The following GDAP1 variants were observed in gnomAD, a reference collection of about 807,000 sequenced individuals.
GDAP1 encodes the protein ganglioside-induced differentiation-associated protein 1.
A neutral mutation model predicts 40.1 loss-of-function variants in GDAP1; 34 were observed. The observed-to-expected ratio is 0.85, with a 90% CI of 0.64 to 1.13. The LOEUF is 1.13. Among genes scored for constraint, GDAP1 ranks in the 50% most tolerant of loss-of-function variants. The probability of loss-of-function intolerance (pLI) is 0.00; values close to 1 mark genes in which losing one functional copy is unlikely to be tolerated. For missense variants in GDAP1, 374 were observed against 433.7 expected (o/e 0.86, Z 1.22); for synonymous variants, 170 against 157.4 (o/e 1.08, Z -0.60).
At chr8:74,393,555 G>T (rs1220928985) in intron 2 of GDAP1, among the ~76,000 whole-genome samples, 10 of 152,068 alleles carry the variant, frequency 6.6e-5, no homozygotes, top group Admixed American at 6.6e-4. Flanking sequence ...TCTTTTTATT[G>T]TGACCAAGGA....
At chr8:74,481,904 A>G (rs1340158952) in intron 2 of GDAP1, among the ~76,000 whole-genome samples, 2 of 152,174 alleles carry the variant, frequency 1.3e-5, no homozygotes, top group African/African-American at 4.8e-5. Flanking sequence ...TTTATTTTAA[A>G]CAGGCTAGAC....
rs13281425 is a variant in GDAP1, at chr8:74,356,702, G to A, written c.311-3435G>A. Among the ~76,000 whole-genome samples the A allele has an allele frequency of 1.7e-3, 117 of 68,168 alleles. 1 individual carries two copies. Among genetic ancestry groups the A allele is most frequent in the African/African-American group, 6.3e-3 (111 of 17,514 alleles). 44.7% of individuals were successfully genotyped at this position (68,168 alleles called of 152,430 possible). A position where few individuals can be genotyped will look rare whatever the true frequency, so the allele number is the denominator to read the frequency against. On this transcript the variant is annotated intron_variant, in intron 2 of 5. Coordinates refer to ENST00000220822, the MANE Select transcript of GDAP1 (RefSeq NM_018972.4). ...TGTGTGTGTGTGTGTTTGTGTGTGT[G>A]TATATATATATATATTTTTTTTTTT...
intron 3 of GDAP1, 34 bp from the exon 4 acceptor site, chr8:74,361,850 T>C (rs2131515556): frequency 1.7e-6 from 2 of 1,205,608 alleles, no homozygotes; most frequent in Admixed American, 1.7e-5. Flanking sequence ...AGGGAGAAAA[T>C]AATTTTCTGT....
chr8:74,469,420 G>A (rs556958025), intron 2 of GDAP1, among the ~76,000 whole-genome samples: 19 of 152,264 alleles, frequency 1.2e-4, no homozygotes, highest in African/African-American at 3.4e-4. Context: ...TGTAATCCCA[G>A]CACTTTGGGA....
chr8:74,387,191 G>T (rs1810038310), intron 2 of GDAP1, among the ~76,000 whole-genome samples: 2 of 152,132 alleles, frequency 1.3e-5, no homozygotes, highest in African/African-American at 4.8e-5. Context: ...TTGCCTAATT[G>T]GCCTGGCCAG....
Position 74,365,619 on chromosome 8 carries a change from C to A in GDAP1, c.*1252C>A. On this transcript the variant is annotated 3_prime_UTR_variant, in exon 6 of 6. Transcript: ENST00000220822. ...GATGATGTGCCGAGGTCCCAGTGAA[C>A]AACAGTAGCCAAAGAATGTACTAAC... is the stretch of plus-strand genomic sequence containing the variant. The A allele has an allele frequency of 2.2e-6, 1 of 454,304 alleles. No individual in the cohort carries two copies. Among genetic ancestry groups the A allele is most frequent in the South Asian group, 1.6e-5 (1 of 64,462 alleles). 28.1% of individuals were successfully genotyped at this position (454,304 alleles called of 1,614,324 possible). A position where few individuals can be genotyped will look rare whatever the true frequency, so the allele number is the denominator to read the frequency against.
At chr8:74,421,139 T>C (rs1265397404) in intron 2 of GDAP1, among the ~76,000 whole-genome samples, 1 of 152,170 alleles carries the variant, frequency 6.6e-6, no homozygotes, top group African/African-American at 2.4e-5. Context: ...CTCCAATTGC[T>C]CTTCTCATGG....
intron 2 of GDAP1, among the ~76,000 whole-genome samples, chr8:74,419,378 G>A (rs574696284): frequency 1.5e-3 from 225 of 152,274 alleles, no homozygotes; most frequent in African/African-American, 5.1e-3. Context: ...CAACAACTTG[G>A]AGGAAGCTCA....
intron 2 of GDAP1, among the ~76,000 whole-genome samples, chr8:74,387,576 G>A (rs1810043924): frequency 6.6e-6 from 1 of 152,124 alleles, no homozygotes; most frequent in South Asian, 2.1e-4. Flanking sequence ...TGCTGGATTT[G>A]GTTTGCCAGT....
At chr8:74,485,223 A>G (rs1806762295) in intron 2 of GDAP1, among the ~76,000 whole-genome samples, 2 of 152,176 alleles carry the variant, frequency 1.3e-5, no homozygotes, top group Admixed American at 6.6e-5. Flanking sequence ...TGAAATCAAA[A>G]AGTTATTCCA....
chr8:74,469,813 T>TA (rs1261327293), intron 2 of GDAP1, among the ~76,000 whole-genome samples: 1 of 150,684 alleles, frequency 6.6e-6, no homozygotes. Context: ...CCGTCTCTAC[T>TA]AAAATACAAA....
intron 2 of GDAP1, among the ~76,000 whole-genome samples, chr8:74,351,732 A>T (rs186496625): frequency 6.6e-6 from 1 of 152,242 alleles, no homozygotes; most frequent in Non-Finnish European, 1.5e-5. Context: ...CTTGCAAAAA[A>T]CTGCAAATGT....
intron 2 of GDAP1, among the ~76,000 whole-genome samples, chr8:74,455,255 A>G (rs1422304002): frequency 3.3e-5 from 5 of 151,982 alleles, no homozygotes; most frequent in African/African-American, 1.2e-4. Context: ...CATTTAAACA[A>G]CGAGTCTATA....
chr8:74,407,167 C>A (rs541259496), intron 2 of GDAP1, among the ~76,000 whole-genome samples: 1 of 149,880 alleles, frequency 6.7e-6, no homozygotes, highest in East Asian at 1.9e-4. Flanking sequence ...TGCGGTGGCT[C>A]ACCTCTGTGA....
rs1487748535 is a variant in GDAP1 at position 74,412,019 on chromosome 8, A to G, written c.165+60698A>G. Among the ~76,000 whole-genome samples the G allele has an allele frequency of 2.0e-5, 3 of 150,102 alleles. No individual in the cohort carries two copies. In the East Asian group the frequency reaches 5.8e-4, roughly 29 times the overall value. On this transcript the variant is annotated intron_variant, in intron 2 of 2. Coordinates refer to the GDAP1 transcript ENST00000523640. ...ATCTGTCAGAAATTTGGAAACATTA[A>G]GGGTAGTATTTTATTTTGAAAATGT... is the stretch of plus-strand genomic sequence containing the variant.
rs1331195877 is a variant in GDAP1, at chr8:74,365,158, A to C, written c.*791A>C. On this transcript the variant is annotated 3_prime_UTR_variant, in exon 6 of 6. Coordinates refer to ENST00000220822, the MANE Select transcript of GDAP1 (RefSeq NM_018972.4). The stretch of plus-strand genomic sequence containing the variant: ...GTGAATGTCCCAGCTAATCACTAGC[A>C]TGTCTAGGTATTGGCTGGGTAGTGG... The C allele has an allele frequency of 8.8e-6, 4 of 454,072 alleles. No homozygotes were observed. Among genetic ancestry groups the C allele is most frequent in the Non-Finnish European group, 1.8e-5 (4 of 226,782 alleles). 28.1% of individuals were successfully genotyped at this position (454,072 alleles called of 1,614,324 possible). A position where few individuals can be genotyped will look rare whatever the true frequency, so the allele number is the denominator to read the frequency against.
chr8:74,409,090 G>A (rs1805676234), intron 2 of GDAP1, among the ~76,000 whole-genome samples: 1 of 149,772 alleles, frequency 6.7e-6, no homozygotes, highest in Non-Finnish European at 1.5e-5. Flanking sequence ...GTTTATAAAA[G>A]TGCTCTATAC....
At chr8:74,401,402 G>A (rs187000914) in intron 2 of GDAP1, among the ~76,000 whole-genome samples, 2,150 of 149,776 alleles carry the variant, frequency 0.014, 256 homozygotes, top group African/African-American at 0.051. Context: ...TTTCAGCTCC[G>A]TCAGCTCCTT....
chr8:74,480,224 A>T (rs1217497193), intron 2 of GDAP1, among the ~76,000 whole-genome samples: 1 of 151,912 alleles, frequency 6.6e-6, no homozygotes, highest in Non-Finnish European at 1.5e-5. Context: ...TCCTGACCTC[A>T]AGATCACCCG....
Sources: gnomAD v4.1 joint callset for allele counts (sites outside exome capture counted in the v4.1 genomes callset) on GRCh38, gnomAD v4.1.1 for gene constraint, MANE v1.5 for transcripts, NCBI Gene and HGNC (gene_info 2026-07-23, HGNC 2026-07-21) for gene names.